The following PBX1 variants were observed in gnomAD, a reference collection of about 807,000 sequenced individuals.
PBX1 encodes the protein PBX homeobox 1.
Under a neutral mutation model 53.4 loss-of-function variants are expected in PBX1, and 6 were observed. The observed-to-expected ratio is 0.11, with a 90% CI of 0.06 to 0.22. The LOEUF is 0.22. Ranked by LOEUF, PBX1 falls within the 10% of genes least tolerant of loss-of-function variation. The pLI is 1.00. For missense variants in PBX1, 251 were observed against 551.4 expected (o/e 0.46, Z 5.46); for synonymous variants, 204 against 212.3 (o/e 0.96, Z 0.34).
At chr1:164,560,242 G>C (rs1315071734) in intron 1 of PBX1, 1 of 443,870 alleles carries the variant, frequency 2.3e-6, no homozygotes, top group Non-Finnish European at 4.0e-6. Context: ...TTGTGTGTGT[G>C]TGTGTGAATA....
intron 2 of PBX1, among the ~76,000 whole-genome samples, chr1:164,875,988 G>GTATATATATATATATATATATATATA (rs369277110): frequency 0.013 from 726 of 56,182 alleles, 43 homozygotes; most frequent in Non-Finnish European, 0.017. Flanking sequence ...TGGTGTATGT[G>GTATATATATATATATATATATATATA]TATATATATA....
chr1:164,681,464 A>G (rs1661769535), intron 2 of PBX1, among the ~76,000 whole-genome samples: 1 of 152,234 alleles, frequency 6.6e-6, no homozygotes, highest in Non-Finnish European at 1.5e-5. Context: ...CTTTTGATAT[A>G]TTAAGATATT....
At chr1:164,573,119 A>G (rs1031424251) in intron 2 of PBX1, among the ~76,000 whole-genome samples, 4 of 152,188 alleles carry the variant, frequency 2.6e-5, no homozygotes, top group Admixed American at 2.6e-4. Flanking sequence ...CTCATTTTTA[A>G]AAAGTAAGAA....
At chr1:164,878,398 AG>A (rs1207351644) in intron 2 of PBX1, among the ~76,000 whole-genome samples, 13 of 152,346 alleles carry the variant, frequency 8.5e-5, no homozygotes, top group Admixed American at 4.6e-4. Context: ...CCTCAATATC[AG>A]GTTAATAAAA....
At chr1:164,785,682 C>T (rs1043805594) in intron 2 of PBX1, among the ~76,000 whole-genome samples, 1 of 152,212 alleles carries the variant, frequency 6.6e-6, no homozygotes, top group African/African-American at 2.4e-5. Flanking sequence ...TCCAAGGTCC[C>T]AGGATCCAGC....
intron 2 of PBX1, among the ~76,000 whole-genome samples, chr1:164,786,035 G>C (rs1271964105): frequency 1.3e-5 from 2 of 152,196 alleles, no homozygotes; most frequent in African/African-American, 4.8e-5. Flanking sequence ...GTGGCAGAGA[G>C]AACAGCCTTC....
intron 6 of PBX1, chr1:164,815,137 A>C (rs536160659): frequency 6.6e-6 from 1 of 152,348 alleles, no homozygotes; most frequent in East Asian, 1.9e-4. Context: ...GGCCTAGAGT[A>C]ATGCATTCTT....
At chr1:164,611,882 A>G (rs1179214080) in intron 2 of PBX1, among the ~76,000 whole-genome samples, 1 of 152,070 alleles carries the variant, frequency 6.6e-6, no homozygotes, top group East Asian at 1.9e-4. Flanking sequence ...ACCTCCAGCA[A>G]GAGGAGAGCT....
At chr1:164,834,029 ATGTGTGTGTGTGTGTGTGTG>A (rs35739146) in intron 8 of PBX1, among the ~76,000 whole-genome samples, 2 of 128,234 alleles carry the variant, frequency 1.6e-5, no homozygotes, top group South Asian at 2.8e-4. Flanking sequence ...ATATATGTAT[ATGTGTGTGTGTGTGTGTGTG>A]TGTGTGTGTG....
At chr1:164,868,847 C>T (rs1460673188) in intron 2 of PBX1, among the ~76,000 whole-genome samples, 7 of 152,132 alleles carry the variant, frequency 4.6e-5, no homozygotes, top group African/African-American at 1.7e-4. Flanking sequence ...ATTCAGATGG[C>T]TCTGGGATGG....
intron 2 of PBX1, among the ~76,000 whole-genome samples, chr1:164,786,720 T>TGCGCGCGC (rs1553246258): frequency 6.0e-5 from 7 of 116,256 alleles, no homozygotes; most frequent in African/African-American, 1.7e-4. Context: ...TGTGTGTGTG[T>TGCGCGCGC]GCGCGCGCAC....
chr1:164,621,185 C>T (rs1304334912), intron 2 of PBX1, among the ~76,000 whole-genome samples: 3 of 151,920 alleles, frequency 2.0e-5, no homozygotes, highest in South Asian at 2.1e-4. Flanking sequence ...GACGGGGTTT[C>T]GCTATGTTGG....
chr1:164,776,961 G>GAA (rs1186320051), intron 2 of PBX1, among the ~76,000 whole-genome samples: 2 of 107,516 alleles, frequency 1.9e-5, no homozygotes, highest in Non-Finnish European at 1.9e-5. Flanking sequence ...GAGAGAGAGA[G>GAA]AGAGAGAGAG....
At chr1:164,611,460 G>C (rs1036037532) in intron 2 of PBX1, among the ~76,000 whole-genome samples, 3 of 151,884 alleles carry the variant, frequency 2.0e-5, no homozygotes, top group Non-Finnish European at 4.4e-5. Context: ...GGATGGTCTC[G>C]ATCTCCTGAC....
chr1:164,734,350 T>C (rs560211754), intron 2 of PBX1, among the ~76,000 whole-genome samples: 1 of 152,328 alleles, frequency 6.6e-6, no homozygotes, highest in Admixed American at 6.5e-5. Context: ...ACAGAAAATA[T>C]AAAAACTACA....
intron 2 of PBX1, among the ~76,000 whole-genome samples, chr1:164,721,428 AGT>A (rs112904192): frequency 0.058 from 8,671 of 149,190 alleles, 315 homozygotes; most frequent in South Asian, 0.14. Context: ...GTGGCAGTGT[AGT>A]GTGTGTGTGT....
chr1:164,604,510 C>T (rs1005917963), intron 2 of PBX1, among the ~76,000 whole-genome samples: 1 of 152,200 alleles, frequency 6.6e-6, no homozygotes, highest in African/African-American at 2.4e-5. Flanking sequence ...GGCCAGCACT[C>T]AGTGATAACT....
At chr1:164,688,995 C>T (rs1001352701) in intron 2 of PBX1, among the ~76,000 whole-genome samples, 5 of 152,238 alleles carry the variant, frequency 3.3e-5, no homozygotes, top group East Asian at 1.9e-4. Context: ...TGGCGTCGCG[C>T]CTCCCCTTGG....
intron 2 of PBX1, among the ~76,000 whole-genome samples, chr1:164,681,931 G>C (rs559747688): frequency 6.6e-6 from 1 of 152,260 alleles, no homozygotes; most frequent in East Asian, 1.9e-4. Context: ...TATTTACCCG[G>C]AAATGAAGAA....
Sources: allele counts gnomAD v4.1 joint callset (sites outside exome capture counted in the v4.1 genomes callset), GRCh38; gene constraint gnomAD v4.1.1; transcripts MANE v1.5; gene names NCBI Gene and HGNC (gene_info 2026-07-23, HGNC 2026-07-21).